LDB3: variants seen among roughly 807,000 people sequenced by gnomAD.
LDB3 encodes the protein LIM domain-binding protein 3.
Under a neutral mutation model 69.0 loss-of-function variants are expected in LDB3, and 49 were observed. The ratio of observed to expected loss-of-function variants is 0.71; its 90% CI spans 0.56 to 0.90. The LOEUF (loss-of-function observed/expected upper bound fraction) is 0.90. Ranked by LOEUF, LDB3 falls within the 40% of genes least tolerant of loss-of-function variation. The pLI, the probability that LDB3 is intolerant of heterozygous loss-of-function variation, is 0.00. For synonymous variants in LDB3, 387 were observed against 396.2 expected, an observed-to-expected ratio of 0.98 and a Z score of 0.28; for missense variants, 928 against 974.1, an observed-to-expected ratio of 0.95 and a Z score of 0.63.
chr10:86,684,658 T>C (rs79039198), intron 5 of LDB3, among the ~76,000 whole-genome samples: 20,299 of 152,164 alleles, frequency 0.13, 1,542 homozygotes, highest in African/African-American at 0.2. Flanking sequence ...GACCACTGAC[T>C]TGAGCCTGGC....
chr10:86,716,821 T>G lies in LDB3; in HGVS notation c.1676+50T>G, dbSNP rs377528396. 1.5e-5 allele frequency: 23 copies of G among 1,546,170 alleles called. 1 individual carries two copies. The highest frequency in any genetic ancestry group is 9.6e-5 in the East Asian group (4 of 41,454). On this transcript the variant is annotated intron_variant, in intron 10 of 13. Transcript: ENST00000361373. The stretch of plus-strand genomic sequence containing the variant: ...CTGGGGCACTGGAAGGGCGTGTGTG[T>G]GGGGTGCTTGCCCACAGTCTGAGCC...
chr10:86,676,030 C>T (rs1399563535), intron 2 of LDB3, among the ~76,000 whole-genome samples: 1 of 152,204 alleles, frequency 6.6e-6, no homozygotes, highest in African/African-American at 2.4e-5. Flanking sequence ...GCAATACACT[C>T]CTGTCATTAA....
In LDB3 at chr10:86,728,970, C is replaced by T. The variant is rs1445206178; in HGVS notation, c.2094+2718C>T. Among the ~76,000 whole-genome samples the T allele has an allele frequency of 2.0e-5, 3 of 150,448 alleles. No individual in the cohort carries two copies. In the East Asian group the frequency reaches 5.8e-4, roughly 29 times the overall value. Reference sequence around the variant, plus strand: ...TTTTTTTTTTTGGTCCTCTTTCTATCACTTCATATTTCCAAATCACTTTTG... The same window carrying T: ...TTTTTTTTTTTGGTCCTCTTTCTATTACTTCATATTTCCAAATCACTTTTG... On this transcript the variant is annotated intron_variant, in intron 13 of 13. Transcript: ENST00000361373.
chr10:86,710,309 A>T, intron 9 of LDB3: 8 of 960,816 alleles, frequency 8.3e-6, no homozygotes, highest in African/African-American at 1.8e-5. Context: ...TCTTCTCCGG[A>T]CCGGGCATGG....
intron 8 of LDB3, 85 bp downstream of exon 8, chr10:86,706,804 G>C: frequency 7.0e-7 from 1 of 1,437,318 alleles, no homozygotes; most frequent in Non-Finnish European, 9.5e-7. Flanking sequence ...GGCCAGCTGT[G>C]TCCAAGGTAG....
In LDB3 at chr10:86,734,219, A is replaced by G. The variant is rs1354023038; in HGVS notation, c.*1243A>G. The G allele has an allele frequency of 6.6e-6, 1 of 152,246 alleles. No homozygotes were observed. Among genetic ancestry groups the G allele is most frequent in the Non-Finnish European group, 1.5e-5 (1 of 68,054 alleles). 9.4% of individuals were successfully genotyped at this position (152,246 alleles called of 1,614,324 possible). ...ATTTGCTGTTTTGGCCAATATTTTG[A>G]AAATGTATGAGCTGAGTTGATCTAG... On this transcript the variant is annotated 3_prime_UTR_variant, in exon 14 of 14. Transcript: ENST00000361373.
At chr10:86,669,063 G>C (rs1415329245) in intron 2 of LDB3, among the ~76,000 whole-genome samples, 1 of 152,180 alleles carries the variant, frequency 6.6e-6, no homozygotes, top group Admixed American at 6.5e-5. Context: ...CAGGCAGGCA[G>C]GTAGCTGGAC....
intron 10 of LDB3, 132 bp from the exon 11 acceptor site, chr10:86,717,832 A>G: frequency 1.2e-6 from 1 of 807,376 alleles, no homozygotes; most frequent in Non-Finnish European, 2.0e-6. Context: ...TCTGAATTTC[A>G]CATTACTTCA....
At chr10:86,721,910 G>A (rs1847094768) in intron 12 of LDB3, among the ~76,000 whole-genome samples, 1 of 152,138 alleles carries the variant, frequency 6.6e-6, no homozygotes, top group Admixed American at 6.5e-5. Flanking sequence ...TTAAATGTGA[G>A]GGTAGTAATT....
At chr10:86,705,342 T>C (rs951385728) in intron 7 of LDB3, among the ~76,000 whole-genome samples, 7 of 152,214 alleles carry the variant, frequency 4.6e-5, no homozygotes, top group South Asian at 2.1e-4. Context: ...TCCTGGCACA[T>C]AGCATGAGGT....
In LDB3 at chr10:86,707,289, A is replaced by G. The variant is rs531601163; in HGVS notation, c.1085+570A>G. 3.3e-5 allele frequency among the ~76,000 whole-genome samples: 5 copies of G among 152,236 alleles called. No homozygotes were observed. In the East Asian group the frequency reaches 9.7e-4, roughly 29 times the overall value. ...TCTGCTCCACAGCTTACTGTGTGTA[A>G]CCTTGAAAAAGTGACTGAAGCTCTC... On this transcript the variant is annotated intron_variant, in intron 8 of 13. Coordinates refer to ENST00000361373, the MANE Select transcript of LDB3 (RefSeq NM_007078.3).
At chr10:86,673,349 G>A (rs893781767) in intron 2 of LDB3, among the ~76,000 whole-genome samples, 1 of 152,212 alleles carries the variant, frequency 6.6e-6, no homozygotes, top group African/African-American at 2.4e-5. Flanking sequence ...GAATAATGGG[G>A]CCAAAGGCAG....
chr10:86,673,349 G>T (rs893781767), intron 2 of LDB3, among the ~76,000 whole-genome samples: 1 of 152,212 alleles, frequency 6.6e-6, no homozygotes, highest in African/African-American at 2.4e-5. Flanking sequence ...GAATAATGGG[G>T]CCAAAGGCAG....
At chr10:86,679,578 C>A in intron 3 of LDB3, 60 bp downstream of exon 3, 1 of 1,575,334 alleles carries the variant, frequency 6.3e-7, no homozygotes. Flanking sequence ...GGGGCAGGGG[C>A]CAAAAGAGGG....
chr10:86,716,216 A>G, intron 9 of LDB3, 111 bp from the exon 10 acceptor site: 2 of 1,266,506 alleles, frequency 1.6e-6, no homozygotes, highest in Non-Finnish European at 2.3e-6. Context: ...CTGAAATTGT[A>G]CTGCTCTAAT....
intron 7 of LDB3, among the ~76,000 whole-genome samples, chr10:86,698,651 G>T (rs1301621413): frequency 1.3e-5 from 2 of 152,222 alleles, no homozygotes; most frequent in African/African-American, 4.8e-5. Flanking sequence ...TTGTGAGTAT[G>T]TGTGGGTATG....
In LDB3 at chr10:86,716,521, G is replaced by A. The variant is rs1222316982; in HGVS notation, c.1426G>A (p.Ala476Thr). The change falls in exon 10 of 14, where the codon GCC becomes ACC. Residue 476 changes from alanine (A) to threonine (T), a missense_variant. Coordinates refer to ENST00000361373, the MANE Select transcript of LDB3 (RefSeq NM_007078.3). Reference sequence around the variant, plus strand: ...CAACTATAACCCTGCACCCTCGGTGGCCTACAGCGGGGGCCCTGCGGAGCC... The same window carrying A: ...CAACTATAACCCTGCACCCTCGGTGACCTACAGCGGGGGCCCTGCGGAGCC... ...APNYNPAPSV[A>T]YSGGPAEPAS... 2 of 1,613,004 alleles carry A rather than the reference G, an allele frequency of 1.2e-6. No individual in the cohort carries two copies. The highest frequency in any genetic ancestry group is 2.2e-5 in the East Asian group (1 of 44,806).
In LDB3 at chr10:86,688,996, T is replaced by C. The variant is rs372469082; in HGVS notation, c.690-2900T>C. 1.6e-4 allele frequency among the ~76,000 whole-genome samples: 24 copies of C among 152,194 alleles called. 1 individual carries two copies. The highest frequency in any genetic ancestry group is 5.5e-4 in the African/African-American group (23 of 41,526). ...ATGCCTGGAAAGGGTCCTCTTCTCC[T>C]CTTCCTTTTAACGCAGCCACGCTGA... On this transcript the variant is annotated intron_variant, in intron 5 of 13. Coordinates refer to ENST00000361373, the MANE Select transcript of LDB3 (RefSeq NM_007078.3).
rs573161688 is a variant in LDB3, at chr10:86,705,766, G to A, written c.897-765G>A. Among the ~76,000 whole-genome samples the A allele has an allele frequency of 2.0e-5, 3 of 152,330 alleles. No homozygotes were observed. The East Asian group carries it at 5.8e-4, about 29-fold the overall frequency. On this transcript the variant is annotated intron_variant, in intron 7 of 13. Transcript: ENST00000361373. ...TCAGGACCATGTTCTTGTCACTCTT[G>A]GGTGCATGGCAAATCCTCTAGGGCA...
Sources: gnomAD v4.1 joint callset for allele counts (sites outside exome capture counted in the v4.1 genomes callset) on GRCh38, gnomAD v4.1.1 for gene constraint, MANE v1.5 for transcripts, NCBI Gene and HGNC (gene_info 2026-07-23, HGNC 2026-07-21) for gene names.